THSD7B: variants seen among roughly 807,000 people sequenced by gnomAD.
THSD7B encodes thrombospondin type 1 domain containing 7B.
Under a neutral mutation model 213.6 loss-of-function variants are expected in THSD7B, and 138 were observed. That is an observed-to-expected ratio of 0.65 (90% CI 0.56 to 0.74). The LOEUF is 0.74. THSD7B is among the 30% of genes least tolerant of loss of function. THSD7B has a pLI of 0.00. For synonymous variants in THSD7B, 742 were observed against 687.0 expected (o/e 1.08, Z -1.25); for missense variants, 1,931 against 1,991.5 (o/e 0.97, Z 0.58).
intron 2 of THSD7B, among the ~76,000 whole-genome samples, chr2:136,929,837 G>T (rs752992197): frequency 6.6e-6 from 1 of 152,094 alleles, no homozygotes; most frequent in Non-Finnish European, 1.5e-5. Context: ...CTCCTGTGTC[G>T]CATGACTAGA....
chr2:136,863,948 G>A (rs1192583788), intron 1 of THSD7B, among the ~76,000 whole-genome samples: 1 of 152,138 alleles, frequency 6.6e-6, no homozygotes, highest in Non-Finnish European at 1.5e-5. Flanking sequence ...TTGGCTCCAG[G>A]CATTTCCATT....
chr2:136,812,243 G>A (rs561164246), intron 1 of THSD7B, among the ~76,000 whole-genome samples: 1 of 152,192 alleles, frequency 6.6e-6, no homozygotes, highest in South Asian at 2.1e-4. Context: ...AATGGCGATT[G>A]TATTTTTCTT....
At chr2:137,612,725 GA>G (rs1293838556) in intron 17 of THSD7B, among the ~76,000 whole-genome samples, 3 of 151,922 alleles carry the variant, frequency 2.0e-5, no homozygotes, top group African/African-American at 7.3e-5. Flanking sequence ...ACACACTATA[GA>G]AAACAACACA....
intron 17 of THSD7B, among the ~76,000 whole-genome samples, chr2:137,587,162 CT>C (rs1206472351): frequency 1.3e-5 from 2 of 152,180 alleles, no homozygotes; most frequent in Non-Finnish European, 2.9e-5. Context: ...TCACGTAGTT[CT>C]CGTGCCATGG....
At chr2:136,823,361 T>C (rs1362903450) in intron 1 of THSD7B, among the ~76,000 whole-genome samples, 1 of 152,226 alleles carries the variant, frequency 6.6e-6, no homozygotes, top group Non-Finnish European at 1.5e-5. Context: ...TTGTTTTCTC[T>C]TGTGACAGAC....
At chr2:137,215,138 G>C (rs1235266624) in intron 7 of THSD7B, among the ~76,000 whole-genome samples, 3 of 152,166 alleles carry the variant, frequency 2.0e-5, no homozygotes, top group Admixed American at 6.5e-5. Flanking sequence ...ATTAGCATGA[G>C]ATGTTATCTC....
intron 14 of THSD7B, among the ~76,000 whole-genome samples, chr2:137,443,406 A>G (rs1391524256): frequency 2.0e-5 from 3 of 152,184 alleles, no homozygotes; most frequent in Non-Finnish European, 4.4e-5. Flanking sequence ...AATTAAAACC[A>G]TAATATATTC....
chr2:136,863,825 A>C (rs1683291662), intron 1 of THSD7B, among the ~76,000 whole-genome samples: 1 of 152,202 alleles, frequency 6.6e-6, no homozygotes, highest in Non-Finnish European at 1.5e-5. Context: ...ACCTCTTACA[A>C]GGGACAAATC....
chr2:137,436,067 T>A (rs1455864077), intron 14 of THSD7B, among the ~76,000 whole-genome samples: 1 of 152,144 alleles, frequency 6.6e-6, no homozygotes, highest in Non-Finnish European at 1.5e-5. Flanking sequence ...CCTATTAGCT[T>A]CCCTCATATT....
intron 2 of THSD7B, among the ~76,000 whole-genome samples, chr2:136,960,952 G>C (rs1685206570): frequency 6.6e-6 from 1 of 151,552 alleles, no homozygotes. Context: ...AGCTGGGCAA[G>C]GTGGCGGGCG....
At chr2:137,029,502 C>T (rs1484380617) in intron 2 of THSD7B, among the ~76,000 whole-genome samples, 2 of 152,122 alleles carry the variant, frequency 1.3e-5, no homozygotes, top group African/African-American at 4.8e-5. Flanking sequence ...AATAGTCTAT[C>T]TTAAAACATT....
At chr2:137,559,350 T>C (rs1018629349) in intron 15 of THSD7B, among the ~76,000 whole-genome samples, 1 of 152,184 alleles carries the variant, frequency 6.6e-6, no homozygotes, top group Non-Finnish European at 1.5e-5. Flanking sequence ...AGCATGGTAC[T>C]GGTACCAAAA....
intron 1 of THSD7B, among the ~76,000 whole-genome samples, chr2:136,854,694 T>G (rs1391563576): frequency 6.6e-6 from 1 of 151,426 alleles, no homozygotes; most frequent in Non-Finnish European, 1.5e-5. Context: ...TAGATCACTT[T>G]CAATGAGAAG....
At chr2:136,845,049 G>C (rs35879112) in intron 1 of THSD7B, among the ~76,000 whole-genome samples, 21,423 of 152,140 alleles carry the variant, frequency 0.14, 2,167 homozygotes, top group Non-Finnish European at 0.22. Flanking sequence ...AAGTTGGAGA[G>C]AGACTTATTA....
At chr2:137,065,349 A>T (rs1047742699) in intron 3 of THSD7B, among the ~76,000 whole-genome samples, 3 of 152,040 alleles carry the variant, frequency 2.0e-5, no homozygotes, top group African/African-American at 7.2e-5. Flanking sequence ...TGATTTTTAT[A>T]TGTTGATTTT....
intron 12 of THSD7B, among the ~76,000 whole-genome samples, chr2:137,335,666 A>T (rs965464354): frequency 6.6e-6 from 1 of 152,186 alleles, no homozygotes; most frequent in Non-Finnish European, 1.5e-5. Flanking sequence ...CAGAGGGGGT[A>T]GTAAGGTGAT....
At chr2:136,988,768 G>A (rs111389658) in intron 2 of THSD7B, among the ~76,000 whole-genome samples, 1 of 152,150 alleles carries the variant, frequency 6.6e-6, no homozygotes, top group Non-Finnish European at 1.5e-5. Context: ...AAAAAATCAA[G>A]TCTGTCATTT....
chr2:137,541,170 G>A (rs989390947), intron 15 of THSD7B, among the ~76,000 whole-genome samples: 1 of 151,598 alleles, frequency 6.6e-6, no homozygotes, highest in African/African-American at 2.4e-5. Flanking sequence ...AGTTATTTCA[G>A]AAAAGTAACT....
intron 7 of THSD7B, among the ~76,000 whole-genome samples, chr2:137,229,587 T>A (rs925328808): frequency 1.3e-5 from 2 of 152,222 alleles, no homozygotes; most frequent in African/African-American, 4.8e-5. Flanking sequence ...CAGGCAGTCT[T>A]GCTGACTGTC....
Sources: allele counts gnomAD v4.1 joint callset (sites outside exome capture counted in the v4.1 genomes callset), GRCh38; gene constraint gnomAD v4.1.1; transcripts MANE v1.5; gene names NCBI Gene and HGNC (gene_info 2026-07-23, HGNC 2026-07-21).